Variants in FHIT observed in about 807,000 individuals in gnomAD.
FHIT encodes bis(5'-adenosyl)-triphosphatase.
In FHIT, 19 loss-of-function variants were observed where a neutral mutation model predicts 17.9. The ratio of observed to expected loss-of-function variants is 1.06; its 90% CI spans 0.74 to 1.56. The LOEUF is 1.56. Among genes scored for constraint, FHIT ranks in the 40% most tolerant of loss-of-function variants. FHIT has a pLI of 0.00. For missense variants in FHIT, 248 were observed against 189.2 expected (o/e 1.31, Z -1.82); for synonymous variants, 81 against 69.7 (o/e 1.16, Z -0.81).
chr3:60,988,967 A>C (rs933734221), intron 3 of FHIT, among the ~76,000 whole-genome samples: 4 of 145,414 alleles, frequency 2.8e-5, no homozygotes, highest in Non-Finnish European at 4.6e-5. Context: ...AAAAAAAAAA[A>C]AAAAAAAACA....
chr3:59,921,400 T>C (rs947783979), intron 8 of FHIT, among the ~76,000 whole-genome samples: 1 of 152,212 alleles, frequency 6.6e-6, no homozygotes, highest in Admixed American at 6.5e-5. Context: ...ACAATCGAGA[T>C]AAACAATGTG....
chr3:60,862,476 G>A (rs1475976282), intron 3 of FHIT, among the ~76,000 whole-genome samples: 7 of 152,054 alleles, frequency 4.6e-5, no homozygotes, highest in African/African-American at 1.7e-4. Flanking sequence ...GCCAAAATAT[G>A]ATGGATTTTT....
intron 2 of FHIT, among the ~76,000 whole-genome samples, chr3:61,142,645 G>C (rs2037119745): frequency 6.6e-6 from 1 of 151,776 alleles, no homozygotes; most frequent in African/African-American, 2.4e-5. Context: ...AAATGACATA[G>C]AAAAAGAAAA....
chr3:60,247,492 CAT>C (rs1254290867), intron 5 of FHIT, among the ~76,000 whole-genome samples: 1 of 152,112 alleles, frequency 6.6e-6, no homozygotes, highest in Non-Finnish European at 1.5e-5. Flanking sequence ...TACATAGATA[CAT>C]ATTTTTTAAA....
At chr3:60,448,908 T>C (rs565754350) in intron 5 of FHIT, among the ~76,000 whole-genome samples, 4 of 152,236 alleles carry the variant, frequency 2.6e-5, no homozygotes, top group African/African-American at 7.2e-5. Context: ...ACACAGGCAA[T>C]ATAAATTCCT....
chr3:60,714,738 G>A (rs2041635450), intron 4 of FHIT, among the ~76,000 whole-genome samples: 2 of 152,152 alleles, frequency 1.3e-5, no homozygotes, highest in Non-Finnish European at 2.9e-5. Context: ...GGACGTGAAG[G>A]ACCTCTTCAA....
intron 4 of FHIT, among the ~76,000 whole-genome samples, chr3:60,621,674 T>C (rs1472208343): frequency 6.6e-6 from 1 of 151,994 alleles, no homozygotes; most frequent in Non-Finnish European, 1.5e-5. Flanking sequence ...TGTACAGCAA[T>C]AGTCACATAG....
At position 60,426,931 on chromosome 3, in the gene FHIT, C is replaced by A. The variant is rs59765327; in HGVS notation, c.103+109929G>T. ...ATTCCTCCCTCTTAAGTATGGGCAA[C>A]ACTTGGGTAAGACGGAGTACACTTC... On this transcript the variant is annotated intron_variant, in intron 5 of 9. Coordinates refer to ENST00000492590, the MANE Select transcript of FHIT (RefSeq NM_002012.4). Among the ~76,000 whole-genome samples the A allele has an allele frequency of 8.1e-3, 1,232 of 151,994 alleles. 33 individuals are homozygous for A. The highest frequency in any genetic ancestry group is 0.053 in the Admixed American group (802 of 15,248).
Position 61,215,232 on chromosome 3 carries a change from C to T in FHIT, c.-212-14567G>A, listed in dbSNP as rs531245138. On this transcript the variant is annotated intron_variant, in intron 1 of 9. Transcript: ENST00000492590. ...GAAGTGGACAAATTGTCCCTGTTTG[C>T]AGATGACATGATTGTATATCTAGAA... is the stretch of plus-strand genomic sequence containing the variant. Among the ~76,000 whole-genome samples, 5 of 152,050 alleles carry T rather than the reference C, an allele frequency of 3.3e-5. 1 individual carries two copies. In the South Asian group the frequency reaches 8.4e-4, roughly 26 times the overall value.
At chr3:60,314,247 G>T (rs78511068) in intron 5 of FHIT, among the ~76,000 whole-genome samples, 1,934 of 152,138 alleles carry the variant, frequency 0.013, 40 homozygotes, top group African/African-American at 0.043. Flanking sequence ...AGAGATATAG[G>T]ATTTCTTTTA....
At chr3:59,855,585 T>C (rs962811553) in intron 8 of FHIT, among the ~76,000 whole-genome samples, 1 of 152,128 alleles carries the variant, frequency 6.6e-6, no homozygotes, top group Non-Finnish European at 1.5e-5. Flanking sequence ...TCTGTACTTA[T>C]AATAGAAGAT....
intron 8 of FHIT, among the ~76,000 whole-genome samples, chr3:59,892,537 G>A (rs1703900007): frequency 6.6e-6 from 1 of 152,164 alleles, no homozygotes; most frequent in Admixed American, 6.5e-5. Flanking sequence ...ATAGAGGTTA[G>A]GGGGTAGAAT....
chr3:59,876,127 T>C (rs1205650964), intron 8 of FHIT, among the ~76,000 whole-genome samples: 2 of 152,060 alleles, frequency 1.3e-5, no homozygotes, highest in Admixed American at 1.3e-4. Context: ...CTGTATTTAA[T>C]GCCACTGAAC....
chr3:60,710,980 TCCCTGAC>T (rs539465929), intron 4 of FHIT, among the ~76,000 whole-genome samples: 77 of 152,228 alleles, frequency 5.1e-4, no homozygotes, highest in African/African-American at 1.3e-3. Flanking sequence ...CTCAAGTGGG[TCCCTGAC>T]CCCTGACCCC....
rs76772834 is a variant in FHIT at position 60,054,501 on chromosome 3, G to A, written c.104-40349C>T. Among the ~76,000 whole-genome samples the A allele has an allele frequency of 3.8e-3, 585 of 152,268 alleles. 3 individuals carry two copies. Among genetic ancestry groups the A allele is most frequent in the African/African-American group, 0.013 (552 of 41,546 alleles). ...CCCATCCCAACCCAAGCACACACTTGTCAATGAGCACCAGGGTTTTCAAAT... is the reference window on the plus strand; with the variant it reads ...CCCATCCCAACCCAAGCACACACTTATCAATGAGCACCAGGGTTTTCAAAT... On this transcript the variant is annotated intron_variant, in intron 5 of 9. Transcript: ENST00000492590.
chr3:60,622,783 T>A (rs2039170745), intron 4 of FHIT, among the ~76,000 whole-genome samples: 1 of 152,202 alleles, frequency 6.6e-6, no homozygotes, highest in East Asian at 1.9e-4. Flanking sequence ...AAGTAGAGAA[T>A]TTGTGCATCA....
chr3:60,268,370 G>A (rs777448593), intron 5 of FHIT, among the ~76,000 whole-genome samples: 22 of 152,116 alleles, frequency 1.4e-4, no homozygotes, highest in Non-Finnish European at 2.9e-4. Context: ...TTCATTCATA[G>A]CAGTTCATTT....
chr3:60,532,180 T>C (rs528889061), intron 5 of FHIT, among the ~76,000 whole-genome samples: 1 of 152,298 alleles, frequency 6.6e-6, no homozygotes, highest in South Asian at 2.1e-4. Context: ...TTTCTGTCAT[T>C]ACACACCCTA....
chr3:60,687,627 A>T (rs781964730), intron 4 of FHIT, among the ~76,000 whole-genome samples: 1 of 152,096 alleles, frequency 6.6e-6, no homozygotes, highest in Non-Finnish European at 1.5e-5. Context: ...CTCCTTAAAA[A>T]AGTGTATTGC....
Sources: gnomAD v4.1 joint callset for allele counts (sites outside exome capture counted in the v4.1 genomes callset) on GRCh38, gnomAD v4.1.1 for gene constraint, MANE v1.5 for transcripts, NCBI Gene and HGNC (gene_info 2026-07-23, HGNC 2026-07-21) for gene names.